Variants in ERICH6B observed in about 807,000 individuals in gnomAD.
ERICH6B encodes glutamate rich 6B.
In ERICH6B, 69 loss-of-function variants were observed where a neutral mutation model predicts 80.0. That is an observed-to-expected ratio of 0.86 (90% CI 0.71 to 1.05). The LOEUF is 1.05. Ranked by LOEUF, ERICH6B falls within the 50% of genes least tolerant of loss-of-function variation. ERICH6B has a pLI of 0.00. For synonymous variants in ERICH6B, 283 were observed against 291.9 expected, an observed-to-expected ratio of 0.97 and a Z score of 0.31; for missense variants, 754 against 796.1, an observed-to-expected ratio of 0.95 and a Z score of 0.64.
chr13:45,543,267 C>T lies in ERICH6B; in HGVS notation c.1872+1493G>A, dbSNP rs576280552. 8.3e-4 allele frequency among the ~76,000 whole-genome samples: 127 copies of T among 152,290 alleles called. 2 individuals carry two copies. The highest frequency in any genetic ancestry group is 8.7e-4 in the Non-Finnish European group (59 of 68,028). ...GGGTCTCAGGAGCCCACCTTCTTCCCCCACTACAGTTGGAGCTCTGGGGGT... is the reference window on the plus strand; with the variant it reads ...GGGTCTCAGGAGCCCACCTTCTTCCTCCACTACAGTTGGAGCTCTGGGGGT... On this transcript the variant is annotated intron_variant, in intron 14 of 14. Coordinates refer to ENST00000298738, the MANE Select transcript of ERICH6B (RefSeq NM_182542.3).
chr13:45,548,303 G>C (rs1213692391), intron 13 of ERICH6B, among the ~76,000 whole-genome samples: 1 of 152,224 alleles, frequency 6.6e-6, no homozygotes, highest in African/African-American at 2.4e-5. Flanking sequence ...TTGGTGTGGA[G>C]GGAATTCTAG....
At chr13:45,595,400 T>A (rs1262122374) in intron 3 of ERICH6B, among the ~76,000 whole-genome samples, 1 of 152,126 alleles carries the variant, frequency 6.6e-6, no homozygotes. Flanking sequence ...TTCATATAAG[T>A]ATACAGTGTT....
chr13:45,550,464 T>A (rs925758113), intron 11 of ERICH6B, 148 bp from the exon 12 acceptor site: 16 of 625,650 alleles, frequency 2.6e-5, no homozygotes, highest in Non-Finnish European at 4.5e-5. Flanking sequence ...GGGGCTTCAG[T>A]TTACTTGTCT....
chr13:45,556,642 C>T (rs954547131), intron 11 of ERICH6B, among the ~76,000 whole-genome samples: 9 of 152,114 alleles, frequency 5.9e-5, no homozygotes, highest in Admixed American at 1.3e-4. Context: ...TGAGTGAGAA[C>T]GTATGATGCT....
At chr13:45,579,868 C>T in intron 7 of ERICH6B, 65 bp downstream of exon 7, 2 of 1,507,694 alleles carry the variant, frequency 1.3e-6, no homozygotes, top group Non-Finnish European at 1.8e-6. Context: ...GCTAGGGGCA[C>T]CTTCCCCACC....
At position 45,574,849 on chromosome 13, in the gene ERICH6B, TC is replaced by T. The variant is rs764318385; in HGVS notation, c.1042del (p.Asp348MetfsTer5). On this transcript the variant is annotated frameshift_variant, in exon 8 of 15. Coordinates refer to ENST00000298738, the MANE Select transcript of ERICH6B (RefSeq NM_182542.3). LOFTEE classifies it high-confidence loss of function. ...AGTTTTTATCCAACTTACGTTTTCATCTAAATCTTCCACTTCCAGCTTGTCA... is the reference window on the plus strand; with the variant it reads ...AGTTTTTATCCAACTTACGTTTTCATTAAATCTTCCACTTCCAGCTTGTCA... ...SIDKLEVEDL[D>X]ENFLNSSYQT... 2.0e-5 allele frequency: 31 copies of T among 1,549,442 alleles called. No individual in the cohort carries two copies. The East Asian group carries it at 5.9e-4, about 29-fold the overall frequency.
chr13:45,556,349 A>G (rs1439078592), intron 11 of ERICH6B, among the ~76,000 whole-genome samples: 3 of 151,852 alleles, frequency 2.0e-5, no homozygotes, highest in Non-Finnish European at 4.4e-5. Flanking sequence ...TTCCCACCTT[A>G]ATGCCTCTTT....
intron 13 of ERICH6B, among the ~76,000 whole-genome samples, chr13:45,547,526 T>C (rs1487757957): frequency 6.6e-6 from 1 of 152,204 alleles, no homozygotes; most frequent in Non-Finnish European, 1.5e-5. Flanking sequence ...GCAGTTAGAC[T>C]TAAACTAATG....
rs141153343 is a variant in ERICH6B at position 45,568,507 on chromosome 13, G to A, written c.1051-56C>T. On this transcript the variant is annotated intron_variant, in intron 8 of 14. Coordinates refer to ENST00000298738, the MANE Select transcript of ERICH6B (RefSeq NM_182542.3). The stretch of plus-strand genomic sequence containing the variant: ...GAAAATGGAAATTAATGATTTGTTA[G>A]TTAATCACTTTTCTGACTCTCAAAG... 1,981 of 1,417,586 alleles carry A rather than the reference G, an allele frequency of 1.4e-3. 22 individuals are homozygous for A. The African/African-American group carries it at 0.026, about 18-fold the overall frequency. 87.8% of individuals were successfully genotyped at this position (1,417,586 alleles called of 1,614,324 possible).
Position 45,561,467 on chromosome 13 carries a change from C to G in ERICH6B, c.1309G>C (p.Glu437Gln), listed in dbSNP as rs1432369622. 4 of 1,552,014 alleles carry G rather than the reference C, an allele frequency of 2.6e-6. No individual in the cohort carries two copies. The highest frequency in any genetic ancestry group is 3.5e-6 in the Non-Finnish European group (4 of 1,147,096). ...TGGATTTCTTCTGTCTCAGGCTTCT[C>G]AGGTGTTGGTTTGCTCATTAAATGA... ...TFHLMSKPTP[E>Q]KPETEEIQKP... Residue 437 changes from glutamate to glutamine, a missense_variant, in exon 11 of 15, where the codon GAG (glutamate) becomes CAG (glutamine). Transcript: ENST00000298738.
At position 45,563,192 on chromosome 13, in the gene ERICH6B, A is replaced by T. The variant is rs932403241; in HGVS notation, c.1249+535T>A. Among the ~76,000 whole-genome samples the T allele has an allele frequency of 1.8e-4, 27 of 152,220 alleles. No homozygotes were observed. The East Asian group carries it at 3.9e-3, about 22-fold the overall frequency. On this transcript the variant is annotated intron_variant, in intron 10 of 14. Transcript: ENST00000298738. ...GAGCTATTTGTTTTCCAATTTTTGC[A>T]TTAATATTCCTTTCCTGGAGTACCC... is the stretch of plus-strand genomic sequence containing the variant.
intron 2 of ERICH6B, among the ~76,000 whole-genome samples, chr13:45,601,552 T>C (rs776278307): frequency 2.0e-5 from 3 of 152,118 alleles, no homozygotes; most frequent in Non-Finnish European, 2.9e-5. Context: ...CCTCTCATAT[T>C]TTTGTAGCTG....
intron 3 of ERICH6B, among the ~76,000 whole-genome samples, 194 bp downstream of exon 3, chr13:45,596,175 T>C (rs1349540434): frequency 6.6e-6 from 1 of 152,110 alleles, no homozygotes; most frequent in Non-Finnish European, 1.5e-5. Context: ...ATGGATAGAG[T>C]TGACAATTTG....
At chr13:45,590,797 G>T (rs1451313330) in intron 3 of ERICH6B, 100 bp from the exon 4 acceptor site, 5 of 960,340 alleles carry the variant, frequency 5.2e-6, no homozygotes, top group East Asian at 2.8e-5. Flanking sequence ...CCTAGTTATA[G>T]AAATTTTCTA....
chr13:45,568,188 G>T, intron 9 of ERICH6B, 127 bp downstream of exon 9: 1 of 1,069,416 alleles, frequency 9.4e-7, no homozygotes, highest in South Asian at 2.1e-5. Context: ...CCTGCTCCTT[G>T]ACTCAGGGAA....
chr13:45,606,526 TATATATATATA>T (rs1949863697), intron 2 of ERICH6B, among the ~76,000 whole-genome samples: 2 of 33,944 alleles, frequency 5.9e-5, no homozygotes, highest in African/African-American at 2.5e-4. Context: ...TATATATATA[TATATATATATA>T]TATATATATA....
In ERICH6B at chr13:45,544,740, A is replaced by T. The variant is rs1389859160; in HGVS notation, c.1872+20T>A. 6 of 1,541,202 alleles carry T rather than the reference A, an allele frequency of 3.9e-6. No individual in the cohort carries two copies. The African/African-American group carries it at 6.9e-5, about 18-fold the overall frequency. On this transcript the variant is annotated intron_variant, in intron 14 of 14. Transcript: ENST00000298738. Reference sequence around the variant, plus strand: ...GTGGGCACCCCACCTGGTGGAGGGTATGGGGAGTTGTGACCTTACCTTGTA... The same window carrying T: ...GTGGGCACCCCACCTGGTGGAGGGTTTGGGGAGTTGTGACCTTACCTTGTA...
chr13:45,545,022 C>G (rs1873938749), intron 13 of ERICH6B, 37 bp from the exon 14 acceptor site: 1 of 1,504,506 alleles, frequency 6.6e-7, no homozygotes. Flanking sequence ...AGCCAGGGCG[C>G]TCAGCCCTGG....
At chr13:45,585,980 C>A (rs953313380) in intron 5 of ERICH6B, among the ~76,000 whole-genome samples, 2 of 152,174 alleles carry the variant, frequency 1.3e-5, no homozygotes, top group African/African-American at 4.8e-5. Context: ...TCCTCTCAAG[C>A]TTAGCATTGG....
Sources: gnomAD v4.1 joint callset for allele counts (sites outside exome capture counted in the v4.1 genomes callset) on GRCh38, gnomAD v4.1.1 for gene constraint, MANE v1.5 for transcripts, NCBI Gene and HGNC (gene_info 2026-07-23, HGNC 2026-07-21) for gene names.